The following MLANA variants were observed in gnomAD, a reference collection of about 807,000 sequenced individuals.
MLANA encodes the protein melan-A.
A neutral mutation model predicts 15.7 loss-of-function variants in MLANA; 21 were observed. The observed-to-expected ratio is 1.33, with a 90% confidence interval of 0.95 to 1.92. The LOEUF is 1.92. MLANA is among the 40% of genes most tolerant of loss of function. The pLI is 0.00. For synonymous variants in MLANA, 56 were observed against 51.5 expected, an observed-to-expected ratio of 1.09 and a Z score of -0.37; for missense variants, 164 against 143.8, an observed-to-expected ratio of 1.14 and a Z score of -0.72.
chr9:5,901,959 T>C (rs1365070265), intron 3 of MLANA, among the ~76,000 whole-genome samples: 3 of 152,244 alleles, frequency 2.0e-5, no homozygotes, highest in Non-Finnish European at 2.9e-5. Context: ...TCATGAGTGA[T>C]ATTGAGCTGT....
intron 3 of MLANA, among the ~76,000 whole-genome samples, chr9:5,903,095 A>G (rs1472798941): frequency 2.6e-5 from 4 of 151,964 alleles, no homozygotes; most frequent in African/African-American, 9.6e-5. Context: ...TGTGTTATGT[A>G]GAAGTGTGTT....
intron 4 of MLANA, among the ~76,000 whole-genome samples, chr9:5,908,124 G>A (rs945773822): frequency 1.3e-5 from 2 of 152,198 alleles, no homozygotes; most frequent in African/African-American, 4.8e-5. Context: ...CCATGGGCAA[G>A]CGAGTTAACC....
At chr9:5,899,360 A>C (rs1301065684) in intron 3 of MLANA, 1 of 152,188 alleles carries the variant, frequency 6.6e-6, no homozygotes, top group East Asian at 1.9e-4. Flanking sequence ...CTTTGCCAAG[A>C]AACTTGGGCA....
chr9:5,897,940 G>A (rs1409117018), intron 3 of MLANA: 3 of 312,242 alleles, frequency 9.6e-6, no homozygotes, highest in African/African-American at 2.1e-5. Flanking sequence ...TTACAGTTGG[G>A]AGGCTGGGAA....
At chr9:5,903,192 G>A (rs1832559571) in intron 3 of MLANA, among the ~76,000 whole-genome samples, 3 of 152,100 alleles carry the variant, frequency 2.0e-5, no homozygotes, top group African/African-American at 7.2e-5. Context: ...GTGCAAACAT[G>A]GTATAATTTC....
chr9:5,906,690 G>GAGGT (rs1258847300), intron 3 of MLANA, among the ~76,000 whole-genome samples, 195 bp from the exon 4 acceptor site: 6 of 152,220 alleles, frequency 3.9e-5, no homozygotes. Flanking sequence ...GCAATTCTGA[G>GAGGT]AGGTAGGTAG....
At chr9:5,905,698 T>A (rs1832758836) in intron 3 of MLANA, among the ~76,000 whole-genome samples, 1 of 152,246 alleles carries the variant, frequency 6.6e-6, no homozygotes, top group Admixed American at 6.5e-5. Flanking sequence ...GACTTGTAAG[T>A]CTCTGCTTTG....
intron 2 of MLANA, among the ~76,000 whole-genome samples, chr9:5,893,129 C>T (rs1000466113): frequency 6.6e-6 from 1 of 152,168 alleles, no homozygotes; most frequent in Non-Finnish European, 1.5e-5. Flanking sequence ...TGTATACTGG[C>T]GTGAGACACT....
At chr9:5,907,040 GT>G (rs758783147) in intron 4 of MLANA, 42 bp downstream of exon 4, 3 of 1,264,774 alleles carry the variant, frequency 2.4e-6, no homozygotes, top group South Asian at 1.4e-5. Flanking sequence ...ATGAATGGCT[GT>G]TTTTAACTCA....
At chr9:5,908,402 A>C (rs1015388070) in intron 4 of MLANA, among the ~76,000 whole-genome samples, 1 of 152,200 alleles carries the variant, frequency 6.6e-6, no homozygotes, top group Non-Finnish European at 1.5e-5. Flanking sequence ...AGGTATAGCT[A>C]AGCTTTTGAG....
chr9:5,905,281 G>A (rs1586958878), intron 3 of MLANA, among the ~76,000 whole-genome samples: 2 of 152,060 alleles, frequency 1.3e-5, no homozygotes, highest in South Asian at 2.1e-4. Flanking sequence ...TCACCAAGGG[G>A]ACCCCAGGGA....
chr9:5,910,354 C>T lies in MLANA; in HGVS notation c.*1646C>T, dbSNP rs1411234607. 6.6e-6 allele frequency: 1 copy of T among 152,160 alleles called. No homozygotes were observed. Among genetic ancestry groups the T allele is most frequent in the African/African-American group, 2.4e-5 (1 of 41,446 alleles). 9.4% of individuals were successfully genotyped at this position (152,160 alleles called of 1,614,324 possible). A position where few individuals can be genotyped will look rare whatever the true frequency, so the allele number is the denominator to read the frequency against. On this transcript the variant is annotated 3_prime_UTR_variant, in exon 5 of 5. Transcript: ENST00000381477. ...ACACAGGATAAAGAGATGTATTACA[C>T]ACATCGAAAAAAACAACATTTAACA...
Position 5,905,228 on chromosome 9 carries a change from A to G in MLANA, c.175-1657A>G, listed in dbSNP as rs1331765696. Among the ~76,000 whole-genome samples the G allele has an allele frequency of 2.0e-5, 3 of 152,308 alleles. No individual in the cohort carries two copies. In the East Asian group the frequency reaches 5.8e-4, roughly 29 times the overall value. On this transcript the variant is annotated intron_variant, in intron 3 of 4. Coordinates refer to ENST00000381477, the MANE Select transcript of MLANA (RefSeq NM_005511.2). ...TAATTCCTTCCTCCTGTAAACTAAA[A>G]ACAAAATCCTAAATCCTCCAAACAA...
chr9:5,893,407 G>T (rs944225326), intron 2 of MLANA, among the ~76,000 whole-genome samples: 2 of 152,220 alleles, frequency 1.3e-5, no homozygotes, highest in African/African-American at 4.8e-5. Flanking sequence ...GGAAAGAGCT[G>T]TTGAACAATC....
chr9:5,904,688 G>A (rs961504125), intron 3 of MLANA, among the ~76,000 whole-genome samples: 1 of 151,868 alleles, frequency 6.6e-6, no homozygotes, highest in Non-Finnish European at 1.5e-5. Context: ...GGCCAGGCTG[G>A]AACTCGACCT....
At chr9:5,892,027 T>C (rs1000162093) in intron 1 of MLANA, among the ~76,000 whole-genome samples, 3 of 152,200 alleles carry the variant, frequency 2.0e-5, no homozygotes, top group Non-Finnish European at 4.4e-5. Context: ...AACAATAACT[T>C]TGGAGAAAAA....
intron 3 of MLANA, among the ~76,000 whole-genome samples, chr9:5,904,953 A>G (rs1443261468): frequency 2.6e-5 from 4 of 151,258 alleles, no homozygotes; most frequent in African/African-American, 9.7e-5. Flanking sequence ...TTTTGTATTT[A>G]TAGTAGAGAT....
Position 5,908,997 on chromosome 9 carries a change from C to A in MLANA, c.*289C>A. On this transcript the variant is annotated 3_prime_UTR_variant, in exon 5 of 5. Transcript: ENST00000381477. ...ATCCATGGTGTTATTTTCTGAGAGA[C>A]AGAATTCAAGTGGGTATTCTGGGGC... The A allele has an allele frequency of 2.7e-6, 1 of 373,646 alleles. No individual in the cohort carries two copies. The allele number at this position is 373,646 out of a possible 1,614,324, so 23.1% of individuals were successfully genotyped here. A position where few individuals can be genotyped will look rare whatever the true frequency, so the allele number is the denominator to read the frequency against.
chr9:5,908,428 T>C (rs1471410935), intron 4 of MLANA, among the ~76,000 whole-genome samples: 2 of 152,218 alleles, frequency 1.3e-5, no homozygotes, highest in African/African-American at 4.8e-5. Flanking sequence ...GGGAACTCCT[T>C]AACCCTATTT....
Sources: allele counts gnomAD v4.1 joint callset (sites outside exome capture counted in the v4.1 genomes callset), GRCh38; gene constraint gnomAD v4.1.1; transcripts MANE v1.5; gene names NCBI Gene and HGNC (gene_info 2026-07-23, HGNC 2026-07-21).